SMARCA2: variants seen among roughly 807,000 people sequenced by gnomAD.
SMARCA2 encodes the protein SWI/SNF-related matrix-associated actin-dependent regulator of chromatin subfamily A member 2.
A neutral mutation model predicts 199.8 loss-of-function variants in SMARCA2; 61 were observed. The ratio of observed to expected loss-of-function variants is 0.31; its 90% CI spans 0.25 to 0.38. The LOEUF is 0.38. Ranked by LOEUF, SMARCA2 falls within the 10% of genes least tolerant of loss-of-function variation. The probability of loss-of-function intolerance (pLI) is 1.00; values close to 1 mark genes in which losing one functional copy is unlikely to be tolerated. For missense variants in SMARCA2, 1,344 were observed against 2,012.2 expected (o/e 0.67, Z 6.35); for synonymous variants, 935 against 732.0 (o/e 1.28, Z -4.48).
chr9:2,092,571 G>A (rs1347920019), intron 19 of SMARCA2, among the ~76,000 whole-genome samples: 1 of 152,148 alleles, frequency 6.6e-6, no homozygotes, highest in Non-Finnish European at 1.5e-5. Flanking sequence ...TAGTATTCAG[G>A]CAGAAGCTAT....
chr9:2,142,459 T>C (rs911156032), intron 27 of SMARCA2, among the ~76,000 whole-genome samples: 1 of 152,154 alleles, frequency 6.6e-6, no homozygotes, highest in African/African-American at 2.4e-5. Context: ...TCTCTCTCTC[T>C]CCTGATTTCT....
At chr9:2,058,859 G>T (rs55641753) in intron 8 of SMARCA2, among the ~76,000 whole-genome samples, 1,971 of 152,274 alleles carry the variant, frequency 0.013, 36 homozygotes, top group African/African-American at 0.045. Context: ...AACACATTAA[G>T]TCGTGTCTTC....
At chr9:2,072,026 T>G (rs992136802) in intron 10 of SMARCA2, 4 of 152,220 alleles carry the variant, frequency 2.6e-5, no homozygotes, top group African/African-American at 9.6e-5. Context: ...TTTCTTGTGC[T>G]GACAGTGCTT....
intron 27 of SMARCA2, among the ~76,000 whole-genome samples, chr9:2,145,401 A>G (rs111610862): frequency 0.029 from 4,346 of 152,232 alleles, 74 homozygotes; most frequent in Non-Finnish European, 0.045. Context: ...AAAGTAAATA[A>G]AAGAGTTTAG....
rs1359357350 is a variant in SMARCA2 at position 2,169,856 on chromosome 9, T to C, written c.4200-563T>C. On this transcript the variant is annotated intron_variant, in intron 28 of 33. Coordinates refer to ENST00000349721, the MANE Select transcript of SMARCA2 (RefSeq NM_003070.5). The surrounding 1 kb of genome is among the most constrained non-coding windows in gnomAD (Gnocchi z 6.5). ...GTTTATTTTCATTTCCCACTAAAGA[T>C]CATGAATTCAGTGATCTCTCGAAAA... Among the ~76,000 whole-genome samples the C allele has an allele frequency of 2.0e-5, 3 of 152,104 alleles. No individual in the cohort carries two copies. The highest frequency in any genetic ancestry group is 2.9e-5 in the Non-Finnish European group (2 of 68,006).
chr9:2,125,012 T>G (rs1823626890), intron 27 of SMARCA2, among the ~76,000 whole-genome samples: 1 of 152,196 alleles, frequency 6.6e-6, no homozygotes, highest in Non-Finnish European at 1.5e-5. Flanking sequence ...TCCCAAGCTT[T>G]GTGAAACATG....
intron 19 of SMARCA2, among the ~76,000 whole-genome samples, chr9:2,093,250 C>T (rs995746387): frequency 6.6e-6 from 1 of 152,218 alleles, no homozygotes; most frequent in Non-Finnish European, 1.5e-5. Flanking sequence ...AGTATGTACA[C>T]ATGGGTGTAT....
At chr9:2,015,754 G>A (rs1280395875) in intron 1 of SMARCA2, among the ~76,000 whole-genome samples, 3 of 152,190 alleles carry the variant, frequency 2.0e-5, no homozygotes, top group Admixed American at 1.3e-4. Context: ...ATCCCAACAA[G>A]CCACAGCCTT....
rs377054235 is a variant in SMARCA2, at chr9:2,073,644, G to C, written c.1935+21G>C. 1.0e-5 allele frequency: 16 copies of C among 1,567,226 alleles called. No individual in the cohort carries two copies. In the African/African-American group the frequency reaches 2.0e-4, roughly 20 times the overall value. On this transcript the variant is annotated intron_variant, in intron 12 of 33. Transcript: ENST00000349721. ...AAGAGGTATGTATGTATCTCTGTTT[G>C]GGGTTTATTGGTTTGAAAGTTATCA...
chr9:2,173,344 G>A (rs1195196744), intron 29 of SMARCA2, among the ~76,000 whole-genome samples: 1 of 152,172 alleles, frequency 6.6e-6, no homozygotes, highest in Non-Finnish European at 1.5e-5. Flanking sequence ...ACAGGCTCTT[G>A]TAGGCAAAAT....
At chr9:2,120,087 C>T (rs532353967) in intron 26 of SMARCA2, among the ~76,000 whole-genome samples, 2 of 152,196 alleles carry the variant, frequency 1.3e-5, no homozygotes, top group Admixed American at 6.5e-5. Context: ...GACGAGAGCC[C>T]GCTTAAATGA....
At chr9:2,128,344 C>G (rs1206751896) in intron 27 of SMARCA2, among the ~76,000 whole-genome samples, 2 of 152,192 alleles carry the variant, frequency 1.3e-5, no homozygotes, top group Non-Finnish European at 2.9e-5. Flanking sequence ...AATCTGGAGC[C>G]TGGCCACAGG....
In SMARCA2 at chr9:2,029,275, C is replaced by G. The variant is rs369940166; in HGVS notation, c.225+28C>G. On this transcript the variant is annotated intron_variant, in intron 2 of 33. Coordinates refer to ENST00000349721, the MANE Select transcript of SMARCA2 (RefSeq NM_003070.5). The stretch of plus-strand genomic sequence containing the variant: ...AAGAGTTTGTTCTCCCATTCAAACT[C>G]AACTTCTGATAAGTGGATGGCTAAT... 1.5e-4 allele frequency: 235 copies of G among 1,588,644 alleles called. No homozygotes were observed. The African/African-American group carries it at 2.4e-3, about 17-fold the overall frequency.
chr9:2,144,171 A>G (rs558496805), intron 27 of SMARCA2, among the ~76,000 whole-genome samples: 3 of 152,280 alleles, frequency 2.0e-5, no homozygotes, highest in Admixed American at 6.5e-5. Context: ...TGAAATTTGA[A>G]TGAGCCCAAG....
chr9:2,093,289 T>C (rs572568828), intron 19 of SMARCA2, among the ~76,000 whole-genome samples: 5 of 152,332 alleles, frequency 3.3e-5, no homozygotes, highest in South Asian at 2.1e-4. Context: ...TAGTAATCCA[T>C]TGGGTGGAGA....
chr9:2,085,579 G>A (rs1821766053), intron 17 of SMARCA2: 1 of 151,954 alleles, frequency 6.6e-6, no homozygotes, highest in South Asian at 2.1e-4. Context: ...TGAGGCAGTT[G>A]ATTGTACAGC....
Position 2,104,380 on chromosome 9 carries a change from C to G in SMARCA2, c.3292+211C>G, listed in dbSNP as rs542533807. 6.6e-6 allele frequency among the ~76,000 whole-genome samples: 1 copy of G among 152,210 alleles called. No homozygotes were observed. The highest frequency in any genetic ancestry group is 2.4e-5 in the African/African-American group (1 of 41,532). On this transcript the variant is annotated intron_variant, in intron 23 of 33. Transcript: ENST00000349721. This position sits in a 1 kb window ranked among gnomAD's most constrained non-coding sequence, Gnocchi z 4.0. ...TGCAGCTGCATAGCCCACAAATAAACCAACACAAATGAGTTTAGAGTCACT... is the reference window on the plus strand; with the variant it reads ...TGCAGCTGCATAGCCCACAAATAAAGCAACACAAATGAGTTTAGAGTCACT...
chr9:2,174,659 C>T (rs1826436896), intron 29 of SMARCA2, among the ~76,000 whole-genome samples: 1 of 152,080 alleles, frequency 6.6e-6, no homozygotes, highest in South Asian at 2.1e-4. Flanking sequence ...GTGGCTCACA[C>T]CTGTAATTCC....
chr9:2,054,541 A>C lies in SMARCA2; in HGVS notation c.1047-56A>C, dbSNP rs191803997. On this transcript the variant is annotated intron_variant, in intron 5 of 33. Coordinates refer to ENST00000349721, the MANE Select transcript of SMARCA2 (RefSeq NM_003070.5). ...ATGTCATTGTTTATCATTTAAGATT[A>C]AATTGTAATGTGTTTTTCCCCTGCC... 6.1e-5 allele frequency: 97 copies of C among 1,578,520 alleles called. 2 individuals are homozygous for C. The Admixed American group carries it at 1.2e-3, about 19-fold the overall frequency.
Sources: gnomAD v4.1 joint callset for allele counts (sites outside exome capture counted in the v4.1 genomes callset) on GRCh38, gnomAD v4.1.1 for gene constraint, Gnocchi (gnomAD v3.1) non-coding constraint, MANE v1.5 for transcripts, NCBI Gene and HGNC (gene_info 2026-07-23, HGNC 2026-07-21) for gene names.